Variants in SSMEM1 observed in about 807,000 individuals in gnomAD.
The protein encoded by SSMEM1 is serine-rich single-pass membrane protein 1.
A neutral mutation model predicts 9.9 loss-of-function variants in SSMEM1; 12 were observed. The observed-to-expected ratio is 1.21, with a 90% CI of 0.78 to 1.96. SSMEM1 has a LOEUF of 1.96. Among genes scored for constraint, SSMEM1 ranks in the 30% most tolerant of loss-of-function variants. The pLI is 0.00. For synonymous variants in SSMEM1, 96 were observed against 98.9 expected (o/e 0.97, Z 0.17); for missense variants, 259 against 292.2 (o/e 0.89, Z 0.83).
In SSMEM1 at chr7:130,216,687, T is replaced by A; in HGVS notation, c.*217T>A. Reference sequence around the variant, plus strand: ...TATGGCACCATTGGAACACCAAAGATCTATATCTGCTATGATTTTTTTATT... The same window carrying A: ...TATGGCACCATTGGAACACCAAAGAACTATATCTGCTATGATTTTTTTATT... On this transcript the variant is annotated 3_prime_UTR_variant, in exon 3 of 3. Coordinates refer to ENST00000297819, the MANE Select transcript of SSMEM1 (RefSeq NM_145268.4). 1 of 567,794 alleles carries A rather than the reference T, an allele frequency of 1.8e-6. No individual in the cohort carries two copies. The highest frequency in any genetic ancestry group is 3.0e-6 in the Non-Finnish European group (1 of 327,942). The allele number at this position is 567,794 out of a possible 1,614,324, so 35.2% of individuals were successfully genotyped here.
rs1283539093 is a variant in SSMEM1 at position 130,213,263 on chromosome 7, A to G, written c.184-217A>G. On this transcript the variant is annotated intron_variant, in intron 1 of 2. Transcript: ENST00000297819. ...CTTGGGAGGCCGAGGCAGGAGAATC[A>G]CTTGAACCCGGAAGATAGAGGTTGC... 3.9e-5 allele frequency among the ~76,000 whole-genome samples: 6 copies of G among 152,144 alleles called. 1 individual carries two copies. The highest frequency in any genetic ancestry group is 1.4e-4 in the African/African-American group (6 of 41,528).
Position 130,216,395 on chromosome 7 carries a change from A to G in SSMEM1, c.660A>G (p.Val220=). 6.2e-7 allele frequency: 1 copy of G among 1,614,236 alleles called. No individual in the cohort carries two copies. Among genetic ancestry groups the G allele is most frequent in the Non-Finnish European group, 8.5e-7 (1 of 1,180,048 alleles). The change falls in exon 3 of 3, where the codon GTA becomes GTG. Residue 220 remains valine, a synonymous_variant. Coordinates refer to ENST00000297819, the MANE Select transcript of SSMEM1 (RefSeq NM_145268.4). ...LAHHSRQKPS[V]TPPMKRDSQE... Reference sequence around the variant, plus strand: ...ACCATTCCCGACAGAAGCCTTCAGTAACACCGCCAATGAAAAGAGACAGTC... The same window carrying G: ...ACCATTCCCGACAGAAGCCTTCAGTGACACCGCCAATGAAAAGAGACAGTC...
chr7:130,212,294 T>A (rs1310101900), intron 1 of SSMEM1, among the ~76,000 whole-genome samples: 1 of 152,210 alleles, frequency 6.6e-6, no homozygotes, highest in East Asian at 1.9e-4. Flanking sequence ...ATATCATGAT[T>A]ACATTTTGGA....
upstream of SSMEM1, among the ~76,000 whole-genome samples, chr7:130,205,890 GGTCTC>G (rs1798446660): frequency 6.6e-6 from 1 of 152,020 alleles, no homozygotes; most frequent in Non-Finnish European, 1.5e-5. Flanking sequence ...TGGCCAGTCT[GGTCTC>G]GATTTCCTAA....
intron 2 of SSMEM1, among the ~76,000 whole-genome samples, chr7:130,214,104 A>T (rs1798657777): frequency 6.6e-6 from 1 of 152,194 alleles, no homozygotes; most frequent in Non-Finnish European, 1.5e-5. Flanking sequence ...GGTTCTCCAA[A>T]ACTCCTGTGT....
At chr7:130,205,654 CT>C (rs1798435358), upstream of SSMEM1, among the ~76,000 whole-genome samples, 1 of 152,158 alleles carries the variant, frequency 6.6e-6, no homozygotes, top group Non-Finnish European at 1.5e-5. Flanking sequence ...TTGTAACAAG[CT>C]GAATTTTGTA....
At chr7:130,210,732 G>C (rs1798575590) in intron 1 of SSMEM1, among the ~76,000 whole-genome samples, 1 of 152,200 alleles carries the variant, frequency 6.6e-6, no homozygotes, top group East Asian at 1.9e-4. Context: ...TTCACTCACT[G>C]AGTCACAAAG....
chr7:130,205,438 A>C, upstream of SSMEM1: 1 of 1,612,430 alleles, frequency 6.2e-7, no homozygotes, highest in Non-Finnish European at 8.5e-7. Context: ...AGCCAAGCTC[A>C]AGCGGGAGGC....
intron 2 of SSMEM1, 64 bp from the exon 3 acceptor site, chr7:130,215,910 T>A: frequency 6.4e-7 from 1 of 1,567,494 alleles, no homozygotes. Flanking sequence ...ACAGGCTTCT[T>A]AAGTAATAGG....
intron 1 of SSMEM1, among the ~76,000 whole-genome samples, chr7:130,212,107 C>T (rs1477741129): frequency 6.6e-6 from 1 of 152,104 alleles, no homozygotes; most frequent in Admixed American, 6.6e-5. Flanking sequence ...TTGTTATTTT[C>T]TGAAAGAGTT....
rs1357837190 is a variant in SSMEM1, at chr7:130,214,929, C to T, written c.239-1045C>T. Reference sequence around the variant, plus strand: ...GCTGATTTTCGTGGTATAAATACTTCCACCAAAGCTGATTTTAAGCTATCC... The same window carrying T: ...GCTGATTTTCGTGGTATAAATACTTTCACCAAAGCTGATTTTAAGCTATCC... On this transcript the variant is annotated intron_variant, in intron 2 of 2. Coordinates refer to ENST00000297819, the MANE Select transcript of SSMEM1 (RefSeq NM_145268.4). Among the ~76,000 whole-genome samples the T allele has an allele frequency of 2.0e-5, 3 of 152,218 alleles. No homozygotes were observed. The South Asian group carries it at 6.2e-4, about 32-fold the overall frequency.
upstream of SSMEM1, among the ~76,000 whole-genome samples, chr7:130,206,186 G>A (rs886112646): frequency 6.6e-6 from 1 of 152,170 alleles, no homozygotes; most frequent in Non-Finnish European, 1.5e-5. Flanking sequence ...CAAGTGTGCC[G>A]CTGAGCCAGG....
intron 1 of SSMEM1, 67 bp downstream of exon 1, chr7:130,208,160 C>A (rs553415836): frequency 2.2e-6 from 3 of 1,392,754 alleles, no homozygotes; most frequent in Admixed American, 2.4e-5. Flanking sequence ...CCATAAAATA[C>A]ATTTACTATA....
chr7:130,212,970 A>ATCACTATAACAGGAACTCAATACATACTG, intron 1 of SSMEM1, among the ~76,000 whole-genome samples: 1 of 152,286 alleles, frequency 6.6e-6, no homozygotes, highest in Admixed American at 6.5e-5. Context: ...TGGAAGTAGG[A>ATCACTATAACAGGAACTCAATACATACTG]TCACTATAAC....
chr7:130,215,511 C>G (rs532265557), intron 2 of SSMEM1, among the ~76,000 whole-genome samples: 1 of 152,056 alleles, frequency 6.6e-6, no homozygotes, highest in Non-Finnish European at 1.5e-5. Context: ...TATGTTTAAC[C>G]ATCTCTCAAA....
upstream of SSMEM1, among the ~76,000 whole-genome samples, chr7:130,207,154 A>G (rs1488361939): frequency 6.6e-6 from 1 of 152,192 alleles, no homozygotes; most frequent in East Asian, 1.9e-4. Flanking sequence ...TCAAGGCTTA[A>G]AAAAGAACAC....
At chr7:130,207,622 G>A (rs1798510944), upstream of SSMEM1, 3 of 443,104 alleles carry the variant, frequency 6.8e-6, no homozygotes, top group South Asian at 4.0e-5. Flanking sequence ...ACACTTAGAC[G>A]TGAAGATAGG....
At chr7:130,212,943 A>G (rs989358048) in intron 1 of SSMEM1, among the ~76,000 whole-genome samples, 1 of 152,210 alleles carries the variant, frequency 6.6e-6, no homozygotes, top group Non-Finnish European at 1.5e-5. Context: ...CTATCAAAGC[A>G]TAGTCTTAAT....
At chr7:130,205,463 T>G (rs1798425384), upstream of SSMEM1, 1 of 1,604,386 alleles carries the variant, frequency 6.2e-7, no homozygotes. Flanking sequence ...GGCAAGCGGC[T>G]CTAAAGTTAC....
Sources: allele counts gnomAD v4.1 joint callset (sites outside exome capture counted in the v4.1 genomes callset), GRCh38; gene constraint gnomAD v4.1.1; transcripts MANE v1.5; gene names NCBI Gene and HGNC (gene_info 2026-07-23, HGNC 2026-07-21).